ITM2B: variants seen among roughly 807,000 people sequenced by gnomAD.
ITM2B encodes ABri/ADan amyloid peptide.
ITM2B carries 11 observed loss-of-function variants against 27.8 expected under a neutral mutation model. The observed-to-expected ratio is 0.40, with a 90% CI of 0.25 to 0.66. The LOEUF (loss-of-function observed/expected upper bound fraction) is 0.66, where lower values mean the gene tolerates loss of function less well. ITM2B is among the 30% of genes least tolerant of loss of function. The pLI, the probability that ITM2B is intolerant of heterozygous loss-of-function variation, is 0.43. For synonymous variants in ITM2B, 114 were observed against 114.3 expected (o/e 1.00, Z 0.02); for missense variants, 296 against 328.9 (o/e 0.90, Z 0.77).
At chr13:48,235,569 G>T (rs147420524) in intron 1 of ITM2B, among the ~76,000 whole-genome samples, 26 of 152,332 alleles carry the variant, frequency 1.7e-4, no homozygotes, top group Admixed American at 5.2e-4. Context: ...AACGGGAAAA[G>T]GAAAACCTTA....
chr13:48,259,759 A>G (rs976989035), intron 5 of ITM2B, among the ~76,000 whole-genome samples: 2 of 151,694 alleles, frequency 1.3e-5, no homozygotes, highest in African/African-American at 4.9e-5. Flanking sequence ...GTTTGTTACA[A>G]AGGGTATATT....
In ITM2B at chr13:48,261,449, G is replaced by A. The variant is rs9332305; in HGVS notation, c.*225G>A. On this transcript the variant is annotated 3_prime_UTR_variant, in exon 6 of 6. Transcript: ENST00000647800. ...GAATTAGTAACTGTATGAAGTCATAGATAATAGTACATGTCACCTTAGGTA... is the reference window on the plus strand; with the variant it reads ...GAATTAGTAACTGTATGAAGTCATAAATAATAGTACATGTCACCTTAGGTA... 2,398 of 448,020 alleles carry A rather than the reference G, an allele frequency of 5.4e-3. 54 individuals are homozygous for A. Among genetic ancestry groups the A allele is most frequent in the African/African-American group, 0.044 (2,174 of 49,752 alleles). The allele number at this position is 448,020 out of a possible 1,614,324, so 27.8% of individuals were successfully genotyped here. A position where few individuals can be genotyped will look rare whatever the true frequency, so the allele number is the denominator to read the frequency against.
chr13:48,250,924 T>C (rs76909727), intron 1 of ITM2B, among the ~76,000 whole-genome samples: 3,227 of 152,300 alleles, frequency 0.021, 115 homozygotes, highest in African/African-American at 0.073. Flanking sequence ...CCAAAGACTC[T>C]TGTTTATTTC....
intron 1 of ITM2B, among the ~76,000 whole-genome samples, chr13:48,246,416 T>A (rs913366703): frequency 2.0e-5 from 3 of 152,198 alleles, no homozygotes; most frequent in Admixed American, 6.5e-5. Flanking sequence ...AGATACTGAT[T>A]TAAGTGAATA....
In ITM2B at chr13:48,263,107, A is replaced by G. The variant is rs905696296; in HGVS notation, c.*1883A>G. The G allele has an allele frequency of 2.0e-5, 3 of 152,144 alleles. No individual in the cohort carries two copies. Among genetic ancestry groups the G allele is most frequent in the Non-Finnish European group, 4.4e-5 (3 of 68,012 alleles). 9.4% of individuals were successfully genotyped at this position (152,144 alleles called of 1,614,324 possible). ...CAACCTCCAGACTCCCAGGGACCCA[A>G]ACTTACACTTTACTAAATGTAATTC... On this transcript the variant is annotated 3_prime_UTR_variant, in exon 6 of 6. Transcript: ENST00000647800.
At chr13:48,245,503 T>C (rs1194070702) in intron 1 of ITM2B, among the ~76,000 whole-genome samples, 2 of 152,074 alleles carry the variant, frequency 1.3e-5, no homozygotes, top group Non-Finnish European at 2.9e-5. Flanking sequence ...GATTAAGTTA[T>C]GATCCAGTTC....
chr13:48,252,156 C>T (rs145139832), intron 1 of ITM2B, among the ~76,000 whole-genome samples: 3 of 152,326 alleles, frequency 2.0e-5, no homozygotes, highest in East Asian at 1.9e-4. Context: ...CACACTGTAT[C>T]GTATCACATT....
At chr13:48,254,944 C>G (rs748096737) in intron 2 of ITM2B, 1 of 151,776 alleles carries the variant, frequency 6.6e-6, no homozygotes, top group Non-Finnish European at 1.5e-5. Context: ...GGCGCGATCT[C>G]GGCTCACTGC....
chr13:48,238,922 GTTGT>G (rs915124914), intron 1 of ITM2B, among the ~76,000 whole-genome samples: 10 of 152,184 alleles, frequency 6.6e-5, no homozygotes, highest in Admixed American at 4.6e-4. Context: ...ATTTTTAAAA[GTTGT>G]TTGTTTTCAG....
chr13:48,259,061 G>C (rs1951806890), intron 5 of ITM2B, 114 bp downstream of exon 5: 3 of 696,492 alleles, frequency 4.3e-6, no homozygotes, highest in Non-Finnish European at 7.2e-6. Context: ...AGGTAATATT[G>C]TGTCGTTATA....
chr13:48,248,708 A>G lies in ITM2B; in HGVS notation c.118-5100A>G, dbSNP rs548076367. Among the ~76,000 whole-genome samples, 552 of 151,906 alleles carry G rather than the reference A, an allele frequency of 3.6e-3. 6 individuals carry two copies. The highest frequency in any genetic ancestry group is 0.012 in the African/African-American group (518 of 41,468). ...CACTAACAATAGTTGATGAGCTGGG[A>G]AAAAAAATCACAAAAAAAGTCATAA... On this transcript the variant is annotated intron_variant, in intron 1 of 5. Coordinates refer to ENST00000647800, the MANE Select transcript of ITM2B (RefSeq NM_021999.5).
rs1326629819 is a variant in ITM2B at position 48,262,830 on chromosome 13, G to A, written c.*1606G>A. On this transcript the variant is annotated 3_prime_UTR_variant, in exon 6 of 6. Coordinates refer to ENST00000647800, the MANE Select transcript of ITM2B (RefSeq NM_021999.5). Reference sequence around the variant, plus strand: ...TTGGAAAACATTTAGGAGAGTCAATGAGACTTTCAGAATGTGAAGTGCATG... The same window carrying A: ...TTGGAAAACATTTAGGAGAGTCAATAAGACTTTCAGAATGTGAAGTGCATG... 1 of 152,162 alleles carries A rather than the reference G, an allele frequency of 6.6e-6. No individual in the cohort carries two copies. Among genetic ancestry groups the A allele is most frequent in the Non-Finnish European group, 1.5e-5 (1 of 68,032 alleles). 9.4% of individuals were successfully genotyped at this position (152,162 alleles called of 1,614,324 possible).
chr13:48,257,417 T>C (rs1008659448), intron 3 of ITM2B, among the ~76,000 whole-genome samples: 4 of 152,246 alleles, frequency 2.6e-5, no homozygotes, highest in African/African-American at 9.6e-5. Context: ...GTGATTTTTA[T>C]GTCTCTCTGT....
chr13:48,233,377 T>C lies in ITM2B; in HGVS notation c.17T>C (p.Phe6Ser). The C allele has an allele frequency of 6.4e-7, 1 of 1,563,076 alleles. No individual in the cohort carries two copies. Among genetic ancestry groups the C allele is most frequent in the African/African-American group, 1.4e-5 (1 of 70,938 alleles). Residue 6 changes from phenylalanine to serine, a missense_variant, in exon 1 of 6, where the codon TTC becomes TCC. By Grantham distance (155) the Phe-to-Ser change is radical. Coordinates refer to ENST00000647800, the MANE Select transcript of ITM2B (RefSeq NM_021999.5). Reference sequence around the variant, plus strand: ...GGCCGCGCCATGGTGAAGGTGACGTTCAACTCCGCTCTGGCCCAGAAGGAG... The same window carrying C: ...GGCCGCGCCATGGTGAAGGTGACGTCCAACTCCGCTCTGGCCCAGAAGGAG... MVKVT[F>S]NSALAQKEAK...
intron 1 of ITM2B, among the ~76,000 whole-genome samples, chr13:48,244,365 C>G (rs907584469): frequency 9.2e-5 from 14 of 152,184 alleles, no homozygotes; most frequent in African/African-American, 3.4e-4. Flanking sequence ...GAGCAACATT[C>G]AATATTACCA....
At chr13:48,251,429 A>G (rs555335052) in intron 1 of ITM2B, among the ~76,000 whole-genome samples, 3 of 152,052 alleles carry the variant, frequency 2.0e-5, no homozygotes, top group Non-Finnish European at 4.4e-5. Context: ...TTGTATATTT[A>G]TCTGTTTTCC....
In ITM2B at chr13:48,235,877, T is replaced by G. The variant is rs117938735; in HGVS notation, c.117+2400T>G. ...GACCATTGTTTTCCAAAATGTGCTCTTAGGGACCACCTGCTCTGGTTTTAA... is the reference window on the plus strand; with the variant it reads ...GACCATTGTTTTCCAAAATGTGCTCGTAGGGACCACCTGCTCTGGTTTTAA... On this transcript the variant is annotated intron_variant, in intron 1 of 5. Transcript: ENST00000647800. Among the ~76,000 whole-genome samples the G allele has an allele frequency of 1.5e-3, 224 of 152,336 alleles. 2 individuals are homozygous for G. In the East Asian group the frequency reaches 0.035, roughly 24 times the overall value.
chr13:48,258,982 A>G (rs376954581), intron 5 of ITM2B, 35 bp downstream of exon 5: 3 of 1,550,910 alleles, frequency 1.9e-6, no homozygotes, highest in African/African-American at 1.4e-5. Context: ...GTTGGGCAGA[A>G]AAGTTCATTG....
At position 48,258,106 on chromosome 13, in the gene ITM2B, C is replaced by G; in HGVS notation, c.454-20C>G. 1 of 1,164,682 alleles carries G rather than the reference C, an allele frequency of 8.6e-7. No individual in the cohort carries two copies. The highest frequency in any genetic ancestry group is 1.3e-6 in the Non-Finnish European group (1 of 770,024). 72.1% of individuals were successfully genotyped at this position (1,164,682 alleles called of 1,614,324 possible). On this transcript the variant is annotated intron_variant, in intron 3 of 5. Coordinates refer to ENST00000647800, the MANE Select transcript of ITM2B (RefSeq NM_021999.5). ...TTTTGCAAGTATTACTGTAACTACACTGTATCTTTTTCTTCCCAGAAACTT... is the reference window on the plus strand; with the variant it reads ...TTTTGCAAGTATTACTGTAACTACAGTGTATCTTTTTCTTCCCAGAAACTT...
Sources: allele counts gnomAD v4.1 joint callset (sites outside exome capture counted in the v4.1 genomes callset), GRCh38; gene constraint gnomAD v4.1.1; transcripts MANE v1.5; gene names NCBI Gene and HGNC (gene_info 2026-07-23, HGNC 2026-07-21).